Variants in KIF6 observed in about 807,000 individuals in gnomAD.
KIF6 encodes kinesin-like protein KIF6.
A neutral mutation model predicts 112.7 loss-of-function variants in KIF6; 106 were observed. The observed-to-expected ratio is 0.94, with a 90% CI of 0.80 to 1.11. KIF6 has a LOEUF of 1.11. KIF6 is among the 50% of genes least tolerant of loss of function. KIF6 has a pLI of 0.00. For synonymous variants in KIF6, 339 were observed against 339.9 expected, an observed-to-expected ratio of 1.00 and a Z score of 0.03; for missense variants, 929 against 964.0, an observed-to-expected ratio of 0.96 and a Z score of 0.48.
Position 39,378,069 on chromosome 6 carries a change from A to G in KIF6, c.1861+7553T>C, listed in dbSNP as rs1035121635. 3.9e-5 allele frequency among the ~76,000 whole-genome samples: 6 copies of G among 152,166 alleles called. No individual in the cohort carries two copies. Among genetic ancestry groups the G allele is most frequent in the Non-Finnish European group, 7.3e-5 (5 of 68,032 alleles). On this transcript the variant is annotated intron_variant, in intron 16 of 22. Transcript: ENST00000287152. The surrounding 1 kb of genome is among the most constrained non-coding windows in gnomAD (Gnocchi z 5.0). The stretch of plus-strand genomic sequence containing the variant: ...CAGTATAACTATCTTCTATAACAGT[A>G]TATGAAACATGCTCGCTGTCGAGGA...
intron 13 of KIF6, among the ~76,000 whole-genome samples, chr6:39,488,383 T>C (rs1437881778): frequency 1.3e-5 from 2 of 152,216 alleles, no homozygotes. Context: ...GGTTTCTGCA[T>C]AGTCTGCTCC....
At chr6:39,572,283 A>G (rs543101085) in intron 10 of KIF6, among the ~76,000 whole-genome samples, 1 of 152,308 alleles carries the variant, frequency 6.6e-6, no homozygotes, top group South Asian at 2.1e-4. Context: ...TTTTATATAT[A>G]CATATACATG....
rs546124259 is a variant in KIF6 at position 39,721,782 on chromosome 6, A to G, written c.67-971T>C. Among the ~76,000 whole-genome samples, 5 of 142,726 alleles carry G rather than the reference A, an allele frequency of 3.5e-5. No individual in the cohort carries two copies. In the South Asian group the frequency reaches 9.1e-4, roughly 26 times the overall value. 93.6% of individuals were successfully genotyped at this position (142,726 alleles called of 152,430 possible). A position where few individuals can be genotyped will look rare whatever the true frequency, so the allele number is the denominator to read the frequency against. The stretch of plus-strand genomic sequence containing the variant: ...TCACCATAAAATTGTAATGCACCAT[A>G]AAAAAAAAAAGTCATTAGATTTAAA... On this transcript the variant is annotated intron_variant, in intron 1 of 22. Coordinates refer to ENST00000287152, the MANE Select transcript of KIF6 (RefSeq NM_145027.6).
chr6:39,361,649 G>A (rs1765152371), intron 17 of KIF6, among the ~76,000 whole-genome samples: 1 of 152,070 alleles, frequency 6.6e-6, no homozygotes, highest in Non-Finnish European at 1.5e-5. Context: ...ACTGGCGAGG[G>A]CCCCAAGGGA....
chr6:39,548,288 A>T (rs141459443), intron 10 of KIF6, among the ~76,000 whole-genome samples: 2 of 152,330 alleles, frequency 1.3e-5, no homozygotes, highest in African/African-American at 2.4e-5. Flanking sequence ...CCACTCACAG[A>T]TTGCTCACGT....
chr6:39,382,992 T>TTGAGAAG (rs1767096195), intron 16 of KIF6, among the ~76,000 whole-genome samples: 1 of 134,240 alleles, frequency 7.4e-6, no homozygotes, highest in African/African-American at 3.1e-5. Context: ...TGTTCCTGTC[T>TTGAGAAG]TTGCCCACTT....
chr6:39,678,864 T>G (rs534552578), intron 3 of KIF6, among the ~76,000 whole-genome samples: 1 of 152,296 alleles, frequency 6.6e-6, no homozygotes, highest in East Asian at 1.9e-4. Context: ...ATAGAACATT[T>G]TGGAGTCTTT....
At chr6:39,692,135 G>A (rs941391259) in intron 3 of KIF6, among the ~76,000 whole-genome samples, 7 of 152,158 alleles carry the variant, frequency 4.6e-5, no homozygotes, top group East Asian at 1.9e-4. Context: ...GCAACAGAGC[G>A]AGACTCCGTT....
intron 17 of KIF6, 104 bp from the exon 18 acceptor site, chr6:39,360,634 G>GCACCAGGGCAGCT: frequency 7.4e-7 from 1 of 1,349,988 alleles, no homozygotes; most frequent in Non-Finnish European, 1.0e-6. Context: ...TCCCGTCAGA[G>GCACCAGGGCAGCT]CTGCCCTGGT....
intron 19 of KIF6, 21 bp downstream of exon 19, chr6:39,357,256 T>G: frequency 6.5e-7 from 1 of 1,538,510 alleles, no homozygotes; most frequent in Middle Eastern, 1.7e-4. Context: ...CTCTAACACC[T>G]CCGGTGAGTT....
At chr6:39,351,237 T>C (rs1764223531) in intron 19 of KIF6, among the ~76,000 whole-genome samples, 1 of 151,338 alleles carries the variant, frequency 6.6e-6, no homozygotes, top group South Asian at 2.1e-4. Flanking sequence ...TTCTTTTTTT[T>C]TTCTCTTTTT....
intron 15 of KIF6, among the ~76,000 whole-genome samples, chr6:39,400,888 T>C (rs1426705466): frequency 6.6e-6 from 1 of 152,254 alleles, no homozygotes; most frequent in Non-Finnish European, 1.5e-5. Context: ...CTTGATGTAA[T>C]GATTTTCTGT....
intron 7 of KIF6, among the ~76,000 whole-genome samples, chr6:39,587,664 G>A (rs1471765543): frequency 6.6e-6 from 1 of 151,504 alleles, no homozygotes; most frequent in Non-Finnish European, 1.5e-5. Context: ...ATATAGATTC[G>A]GAACCCTGAC....
chr6:39,531,738 T>A (rs1683958349), intron 13 of KIF6, among the ~76,000 whole-genome samples: 1 of 151,982 alleles, frequency 6.6e-6, no homozygotes, highest in African/African-American at 2.4e-5. Flanking sequence ...ACCCCCAGCA[T>A]CCAATCTGCC....
chr6:39,485,987 C>G (rs960620110), intron 13 of KIF6, among the ~76,000 whole-genome samples: 1 of 152,146 alleles, frequency 6.6e-6, no homozygotes, highest in African/African-American at 2.4e-5. Context: ...GGTGGCACAG[C>G]TAGGATGTGG....
chr6:39,705,799 C>A (rs1230811500), intron 3 of KIF6, among the ~76,000 whole-genome samples: 1 of 152,182 alleles, frequency 6.6e-6, no homozygotes, highest in Non-Finnish European at 1.5e-5. Flanking sequence ...AGAAATAAGT[C>A]CCAGTTGCTT....
chr6:39,636,651 C>T (rs1784635949), intron 4 of KIF6, among the ~76,000 whole-genome samples: 2 of 152,012 alleles, frequency 1.3e-5, no homozygotes, highest in Admixed American at 6.6e-5. Context: ...CCATGGTCAA[C>T]ATATACATAG....
Position 39,596,235 on chromosome 6 carries a change from C to T in KIF6, c.665G>A (p.Arg222His), listed in dbSNP as rs141406865. Residue 222 changes from arginine (R) to histidine (H), a missense_variant, in exon 7 of 23, where the codon CGT (arginine) becomes CAT (histidine). Arg to His is a conservative substitution (Grantham distance 29). This residue lies in a region of KIF6 where 688 missense variants were observed against 662.7 expected (regional missense o/e 1.04). Coordinates refer to ENST00000287152, the MANE Select transcript of KIF6 (RefSeq NM_145027.6). ...ATGAATGGTGAAAATGCAGTGGGAA[C>T]GGGTTGAAGCTTGGTTCATAGGAGT... ...AETPMNQAST[R>H]SHCIFTIHLS... 7.3e-5 allele frequency: 118 copies of T among 1,613,768 alleles called. No individual in the cohort carries two copies. In the African/African-American group the frequency reaches 9.3e-4, roughly 13 times the overall value.
At chr6:39,509,966 A>G (rs968314926) in intron 13 of KIF6, among the ~76,000 whole-genome samples, 1 of 152,196 alleles carries the variant, frequency 6.6e-6, no homozygotes, top group East Asian at 1.9e-4. Context: ...AGAAAATGTT[A>G]AGGACAGCCA....
Sources: gnomAD v4.1 joint callset for allele counts (sites outside exome capture counted in the v4.1 genomes callset) on GRCh38, gnomAD v4.1.1 for gene constraint, gnomAD v4.1.1 regional missense constraint, Gnocchi (gnomAD v3.1) non-coding constraint, MANE v1.5 for transcripts, NCBI Gene and HGNC (gene_info 2026-07-23, HGNC 2026-07-21) for gene names.